Variants in ISCU observed in about 807,000 individuals in gnomAD.
ISCU encodes iron-sulfur cluster assembly enzyme.
In ISCU, 13 loss-of-function variants were observed where a neutral mutation model predicts 18.4. The ratio of observed to expected loss-of-function variants is 0.71; its 90% CI spans 0.46 to 1.12. ISCU has a LOEUF of 1.12. ISCU is among the 50% of genes most tolerant of loss of function. The pLI is 0.00. For missense variants in ISCU, 229 were observed against 208.7 expected, an observed-to-expected ratio of 1.10 and a Z score of -0.60; for synonymous variants, 104 against 87.5, an observed-to-expected ratio of 1.19 and a Z score of -1.06.
At chr12:108,566,657 T>C (rs1418188843) in intron 3 of ISCU, among the ~76,000 whole-genome samples, 1 of 152,200 alleles carries the variant, frequency 6.6e-6, no homozygotes, top group African/African-American at 2.4e-5. Context: ...TTAGTTGATC[T>C]GGAGGAGATG....
intron 4 of ISCU, 136 bp downstream of exon 4, chr12:108,567,404 C>A: frequency 1.2e-6 from 1 of 804,658 alleles, no homozygotes; most frequent in Non-Finnish European, 2.1e-6. Context: ...GTCCTTATAA[C>A]CTGCAGAGGG....
At chr12:108,562,582 C>T (rs1447099351), upstream of ISCU, 7 of 1,203,346 alleles carry the variant, frequency 5.8e-6, no homozygotes, top group Non-Finnish European at 7.6e-6. Context: ...CGCCCCGCCC[C>T]TCGGCGTCGC....
intron 2 of ISCU, among the ~76,000 whole-genome samples, chr12:108,564,733 C>T (rs1211004899): frequency 6.6e-6 from 1 of 152,188 alleles, no homozygotes; most frequent in Non-Finnish European, 1.5e-5. Flanking sequence ...CTAGCAGTCC[C>T]CAATGAAACA....
intron 1 of ISCU, chr12:108,563,459 A>G (rs2094699577): frequency 6.4e-6 from 1 of 156,670 alleles, no homozygotes; most frequent in Non-Finnish European, 1.4e-5. Context: ...CCCCTACATT[A>G]GATACTATCC....
chr12:108,566,094 A>G (rs559825985), intron 3 of ISCU, among the ~76,000 whole-genome samples: 1 of 152,376 alleles, frequency 6.6e-6, no homozygotes, highest in African/African-American at 2.4e-5. Flanking sequence ...AGAAAAGCCA[A>G]CCAGCAAGGC....
intron 1 of ISCU, chr12:108,563,954 T>A: frequency 1.3e-6 from 1 of 759,510 alleles, no homozygotes; most frequent in Admixed American, 1.9e-5. Flanking sequence ...ATAACAAAAC[T>A]GCTGTTTGAG....
intron 4 of ISCU, chr12:108,567,535 T>A: frequency 1.2e-6 from 1 of 823,334 alleles, no homozygotes; most frequent in South Asian, 1.5e-5. Context: ...TATCCTTGAG[T>A]GCACAGTAGA....
At chr12:108,563,865 A>G in intron 1 of ISCU, 1 of 592,180 alleles carries the variant, frequency 1.7e-6, no homozygotes, top group Non-Finnish European at 3.0e-6. Context: ...CTTCTAAGAA[A>G]GCTTTCCCTC....
chr12:108,567,470 A>G (rs892726515), intron 4 of ISCU: 19 of 718,326 alleles, frequency 2.6e-5, no homozygotes, highest in Non-Finnish European at 3.4e-5. Context: ...AGAAGGAGGT[A>G]TGCACCAGCC....
chr12:108,568,024 TCA>T (rs1491118935), intron 4 of ISCU: 11 of 1,517,832 alleles, frequency 7.2e-6, no homozygotes, highest in African/African-American at 1.4e-5. Flanking sequence ...AAGGTAATAC[TCA>T]CAGCAGAAGA....
At chr12:108,566,232 C>T (rs1266010804) in intron 3 of ISCU, among the ~76,000 whole-genome samples, 1 of 152,272 alleles carries the variant, frequency 6.6e-6, no homozygotes, top group Non-Finnish European at 1.5e-5. Flanking sequence ...CTGTGGCTCA[C>T]GGCCTTCTGG....
chr12:108,567,355 C>G (rs763888316), intron 4 of ISCU, 87 bp downstream of exon 4: 1 of 1,092,222 alleles, frequency 9.2e-7, no homozygotes, highest in Non-Finnish European at 1.4e-6. Context: ...GATCATGGAG[C>G]CCACGTTTGT....
chr12:108,568,113 G>T, intron 4 of ISCU: 4 of 1,369,720 alleles, frequency 2.9e-6, no homozygotes, highest in Non-Finnish European at 3.8e-6. Flanking sequence ...ACTTGATCTG[G>T]AATTTTAAGT....
chr12:108,563,158 G>C (rs2030707557), intron 1 of ISCU: 1 of 157,122 alleles, frequency 6.4e-6, no homozygotes, highest in Non-Finnish European at 1.4e-5. Context: ...GGGGCTCTCA[G>C]CTGTCCCTTA....
intron 3 of ISCU, among the ~76,000 whole-genome samples, 173 bp downstream of exon 3, chr12:108,565,604 ATTT>A (rs879368025): frequency 1.4e-4 from 21 of 152,030 alleles, no homozygotes; most frequent in Non-Finnish European, 2.4e-4. Flanking sequence ...CTTGTTGATC[ATTT>A]TTATTTTTTT....
intron 3 of ISCU, 62 bp downstream of exon 3, chr12:108,565,493 C>G (rs1158426227): frequency 1.8e-5 from 20 of 1,136,488 alleles, no homozygotes; most frequent in Non-Finnish European, 2.7e-5. Flanking sequence ...TTTTAATATT[C>G]TAAATTTTTA....
Position 108,562,701 on chromosome 12 carries a change from G to A in ISCU, c.79G>A (p.Glu27Lys). 6.7e-7 allele frequency: 1 copy of A among 1,490,370 alleles called. No individual in the cohort carries two copies. Among genetic ancestry groups the A allele is most frequent in the Non-Finnish European group, 8.8e-7 (1 of 1,130,232 alleles). 92.3% of individuals were successfully genotyped at this position (1,490,370 alleles called of 1,614,324 possible). The change falls in exon 1 of 5, where the codon GAG becomes AAG. Residue 27 changes from glutamate to lysine, a missense_variant. Glu to Lys is a moderately conservative substitution (Grantham distance 56). Transcript: ENST00000311893. The part of the protein sequence containing the change: ...LLRSPRLPAR[E>K]LSAPARLYHK... ...GCGGAGCCCCCGCCTGCCCGCCCGG[G>A]AGCTGTCGGCCCCGGCCCGACTCTA...
intron 3 of ISCU, among the ~76,000 whole-genome samples, chr12:108,565,798 T>C (rs1030618653): frequency 1.3e-5 from 2 of 152,204 alleles, no homozygotes; most frequent in Admixed American, 6.5e-5. Context: ...TCAGGAAGGG[T>C]TCTAGGTGGC....
chr12:108,568,823 A>G lies in ISCU; in HGVS notation c.419-8A>G. Reference sequence around the variant, plus strand: ...AAACTTAGGCTTCTTTCCTTCCGTTACTTCCAGTGCTGGCTGAAGATGCAA... The same window carrying G: ...AAACTTAGGCTTCTTTCCTTCCGTTGCTTCCAGTGCTGGCTGAAGATGCAA... On this transcript the variant is annotated splice_polypyrimidine_tract_variant and splice_region_variant and intron_variant, in intron 4 of 4. Coordinates refer to ENST00000311893, the MANE Select transcript of ISCU (RefSeq NM_213595.4). 6.2e-7 allele frequency: 1 copy of G among 1,611,702 alleles called. No individual in the cohort carries two copies. The highest frequency in any genetic ancestry group is 8.5e-7 in the Non-Finnish European group (1 of 1,179,004).
Sources: allele counts gnomAD v4.1 joint callset (sites outside exome capture counted in the v4.1 genomes callset), GRCh38; gene constraint gnomAD v4.1.1; transcripts MANE v1.5; gene names NCBI Gene and HGNC (gene_info 2026-07-23, HGNC 2026-07-21).